Variants in GRM5 observed in about 807,000 individuals in gnomAD.
GRM5 encodes metabotropic glutamate receptor 5.
Under a neutral mutation model 83.1 loss-of-function variants are expected in GRM5, and 19 were observed. The ratio of observed to expected loss-of-function variants is 0.23; its 90% CI spans 0.16 to 0.34. The LOEUF is 0.34. Among genes scored for constraint, GRM5 ranks in the 10% least tolerant of loss-of-function variants. The pLI is 1.00. For synonymous variants in GRM5, 675 were observed against 633.6 expected, an observed-to-expected ratio of 1.07 and a Z score of -0.98; for missense variants, 1,160 against 1,588.3, an observed-to-expected ratio of 0.73 and a Z score of 4.58.
At chr11:88,936,980 G>C (rs889863679) in intron 2 of GRM5, among the ~76,000 whole-genome samples, 41 of 151,742 alleles carry the variant, frequency 2.7e-4, no homozygotes, top group African/African-American at 9.9e-4. Flanking sequence ...AAGATTAGAA[G>C]CTGGAAGATT....
At chr11:88,525,548 G>A (rs2135108486) in intron 8 of GRM5, 144 bp from the exon 9 acceptor site, 2 of 651,202 alleles carry the variant, frequency 3.1e-6, no homozygotes, top group Non-Finnish European at 5.5e-6. Context: ...TGACCAACCT[G>A]TGATACTTAT....
At chr11:88,978,473 T>TAAAAAAAAA (rs1565317795) in intron 2 of GRM5, among the ~76,000 whole-genome samples, 2 of 56,840 alleles carry the variant, frequency 3.5e-5, no homozygotes, top group African/African-American at 1.3e-4. Flanking sequence ...GCAGATGAGC[T>TAAAAAAAAA]TAAAAAAAAA....
At chr11:89,049,880 C>G (rs1484033117) in intron 1 of GRM5, among the ~76,000 whole-genome samples, 3 of 152,018 alleles carry the variant, frequency 2.0e-5, no homozygotes, top group Non-Finnish European at 2.9e-5. Flanking sequence ...TTCCTTAGAC[C>G]CAAGCTTAAA....
At chr11:88,891,787 C>A (rs909637306) in intron 2 of GRM5, among the ~76,000 whole-genome samples, 1 of 151,954 alleles carries the variant, frequency 6.6e-6, no homozygotes, top group African/African-American at 2.4e-5. Flanking sequence ...CAGCTGTTCT[C>A]AAATGCAGAT....
chr11:88,607,609 A>C lies in GRM5; in HGVS notation c.1148-2645T>G, dbSNP rs140980677. Among the ~76,000 whole-genome samples, 175 of 152,312 alleles carry C rather than the reference A, an allele frequency of 1.1e-3. 1 individual carries two copies. The Middle Eastern group carries it at 0.014, about 12-fold the overall frequency. Reference sequence around the variant, plus strand: ...TAAAAGTAAAAGCCAAAGTCCTTGCAATGGCCTTCAAAGACATACAGGAGC... The same window carrying C: ...TAAAAGTAAAAGCCAAAGTCCTTGCCATGGCCTTCAAAGACATACAGGAGC... On this transcript the variant is annotated intron_variant, in intron 4 of 9. Coordinates refer to ENST00000305447, the MANE Select transcript of GRM5 (RefSeq NM_001143831.3).
intron 2 of GRM5, among the ~76,000 whole-genome samples, chr11:88,978,474 T>TAAAAAAAAAAAAAAAAAAAAAAAAAAAAA (rs200343438): frequency 2.0e-5 from 2 of 97,986 alleles, no homozygotes; most frequent in Admixed American, 1.1e-4. Flanking sequence ...CAGATGAGCT[T>TAAAAAAAAAAAAAAAAAAAAAAAAAAAAA]AAAAAAAAAA....
chr11:88,910,969 TC>T (rs1325517450), intron 2 of GRM5, among the ~76,000 whole-genome samples: 1 of 151,948 alleles, frequency 6.6e-6, no homozygotes, highest in Admixed American at 6.6e-5. Context: ...AATCCAAAGT[TC>T]TCCTGAATTT....
intron 3 of GRM5, among the ~76,000 whole-genome samples, chr11:88,838,703 A>G (rs1262389601): frequency 1.3e-5 from 2 of 152,226 alleles, no homozygotes; most frequent in Non-Finnish European, 2.9e-5. Context: ...TACTTTAAAA[A>G]TATCTTGCAT....
chr11:88,541,752 T>C (rs1942274233), intron 8 of GRM5, among the ~76,000 whole-genome samples: 1 of 152,314 alleles, frequency 6.6e-6, no homozygotes, highest in African/African-American at 2.4e-5. Flanking sequence ...ATGTAGATTT[T>C]AGCATTTAAT....
chr11:88,588,047 A>G (rs543800330), intron 7 of GRM5, among the ~76,000 whole-genome samples: 90 of 152,224 alleles, frequency 5.9e-4, no homozygotes, highest in Non-Finnish European at 1.1e-3. Flanking sequence ...TAAAAAAGAC[A>G]GATCTGTATT....
At chr11:88,864,102 T>C (rs1267804468) in intron 2 of GRM5, among the ~76,000 whole-genome samples, 1 of 146,808 alleles carries the variant, frequency 6.8e-6, no homozygotes, top group Non-Finnish European at 1.5e-5. Flanking sequence ...GGAGTTGACT[T>C]TGGCATTCTA....
chr11:88,693,575 C>T (rs778394774), intron 3 of GRM5, among the ~76,000 whole-genome samples: 1 of 152,116 alleles, frequency 6.6e-6, no homozygotes. Context: ...TGAAACTGAC[C>T]CCTGAAAATA....
At chr11:88,832,814 GT>G (rs1159603867) in intron 3 of GRM5, among the ~76,000 whole-genome samples, 3 of 151,966 alleles carry the variant, frequency 2.0e-5, no homozygotes, top group African/African-American at 7.2e-5. Flanking sequence ...AAATCCATGC[GT>G]TTTTTATCCA....
At chr11:88,813,920 A>C (rs983121008) in intron 3 of GRM5, among the ~76,000 whole-genome samples, 1 of 152,032 alleles carries the variant, frequency 6.6e-6, no homozygotes, top group Non-Finnish European at 1.5e-5. Flanking sequence ...AATTTTTACA[A>C]TAATACTTTC....
At chr11:88,558,626 A>G (rs890522506) in intron 8 of GRM5, among the ~76,000 whole-genome samples, 1 of 151,656 alleles carries the variant, frequency 6.6e-6, no homozygotes, top group African/African-American at 2.4e-5. Flanking sequence ...ACATGGTGAA[A>G]CCCCATCTCT....
intron 4 of GRM5, among the ~76,000 whole-genome samples, chr11:88,623,646 C>T (rs956605099): frequency 2.0e-5 from 3 of 152,206 alleles, no homozygotes; most frequent in Non-Finnish European, 2.9e-5. Flanking sequence ...GTAACCCAGG[C>T]TCAGTAAATT....
intron 8 of GRM5, among the ~76,000 whole-genome samples, chr11:88,538,098 GAAA>G (rs749412993): frequency 8.0e-6 from 1 of 125,766 alleles, no homozygotes; most frequent in Non-Finnish European, 1.7e-5. Context: ...ATAGAAAACA[GAAA>G]AAAAAAAAAA....
At chr11:88,706,858 G>A (rs1941170937) in intron 3 of GRM5, among the ~76,000 whole-genome samples, 1 of 152,064 alleles carries the variant, frequency 6.6e-6, no homozygotes, top group Admixed American at 6.6e-5. Context: ...AAAGGAGGTG[G>A]TACTTAGTTA....
At chr11:88,695,894 C>A (rs1312504869) in intron 3 of GRM5, among the ~76,000 whole-genome samples, 1 of 152,160 alleles carries the variant, frequency 6.6e-6, no homozygotes, top group Non-Finnish European at 1.5e-5. Flanking sequence ...TGAGTGTTTG[C>A]AGCGCCAGAA....
Sources: gnomAD v4.1 joint callset for allele counts (sites outside exome capture counted in the v4.1 genomes callset) on GRCh38, gnomAD v4.1.1 for gene constraint, MANE v1.5 for transcripts, NCBI Gene and HGNC (gene_info 2026-07-23, HGNC 2026-07-21) for gene names.